SPATA17: variants seen among roughly 807,000 people sequenced by gnomAD.
The protein encoded by SPATA17 is spermatogenesis-associated protein 17.
A neutral mutation model predicts 62.2 loss-of-function variants in SPATA17; 53 were observed. That is an observed-to-expected ratio of 0.85 (90% CI 0.68 to 1.07). SPATA17 has a LOEUF of 1.07. SPATA17 is among the 50% of genes least tolerant of loss of function. The pLI, the probability that SPATA17 is intolerant of heterozygous loss-of-function variation, is 0.00. For missense variants in SPATA17, 466 were observed against 425.5 expected (o/e 1.10, Z -0.84); for synonymous variants, 146 against 146.8 (o/e 0.99, Z 0.04).
intron 5 of SPATA17, among the ~76,000 whole-genome samples, chr1:217,714,506 A>G (rs1025941834): frequency 1.2e-5 from 1 of 84,276 alleles, no homozygotes; most frequent in African/African-American, 5.8e-5. Context: ...TTTTTTTGAG[A>G]CAGAGTCTTG....
At position 217,786,754 on chromosome 1, in the gene SPATA17, T is replaced by TTCTTCTTCC. The variant is rs1553252158; in HGVS notation, c.872+4440_872+4441insCTCTTCTTC. On this transcript the variant is annotated intron_variant, in intron 8 of 10. Transcript: ENST00000366933. ...ATAGAAGGATTTGATATTCTCTTTC[T>TTCTTCTTCC]TCTTCTTCTTCTTCTTCTTCTTCTT... is the stretch of plus-strand genomic sequence containing the variant. Among the ~76,000 whole-genome samples the TTCTTCTTCC allele has an allele frequency of 4.1e-3, 313 of 76,204 alleles. 6 individuals are homozygous for TTCTTCTTCC. Among genetic ancestry groups the TTCTTCTTCC allele is most frequent in the East Asian group, 0.012 (21 of 1,742 alleles). The allele number at this position is 76,204 out of a possible 152,430, so 50.0% of individuals were successfully genotyped here.
chr1:217,813,197 T>C (rs1674635475), intron 9 of SPATA17, among the ~76,000 whole-genome samples: 1 of 152,232 alleles, frequency 6.6e-6, no homozygotes, highest in Admixed American at 6.5e-5. Flanking sequence ...GGCACATCGT[T>C]GTCTGCAGAA....
intron 9 of SPATA17, among the ~76,000 whole-genome samples, chr1:217,851,365 T>C (rs1383684136): frequency 6.6e-6 from 1 of 152,090 alleles, no homozygotes; most frequent in East Asian, 1.9e-4. Flanking sequence ...CAGGTTCACA[T>C]GTTCCCAGAT....
intron 3 of SPATA17, among the ~76,000 whole-genome samples, chr1:217,663,546 A>G (rs924595532): frequency 6.6e-6 from 1 of 152,234 alleles, no homozygotes; most frequent in African/African-American, 2.4e-5. Flanking sequence ...ACTTGATTAG[A>G]AATTAATTTA....
intron 4 of SPATA17, among the ~76,000 whole-genome samples, chr1:217,682,187 T>C (rs1671100245): frequency 6.6e-6 from 1 of 152,106 alleles, no homozygotes; most frequent in African/African-American, 2.4e-5. Flanking sequence ...ATTAATATCA[T>C]ATATTATTTT....
At chr1:217,761,509 A>G (rs1419693309) in intron 6 of SPATA17, among the ~76,000 whole-genome samples, 2 of 152,164 alleles carry the variant, frequency 1.3e-5, no homozygotes, top group Non-Finnish European at 2.9e-5. Context: ...AACATTTATC[A>G]GAATTACCTA....
intron 4 of SPATA17, among the ~76,000 whole-genome samples, chr1:217,681,704 A>AT (rs1316078726): frequency 6.6e-6 from 1 of 152,138 alleles, no homozygotes. Flanking sequence ...GCCATGTTTA[A>AT]TATCTTAAAT....
chr1:217,651,033 A>T (rs1361034353), intron 2 of SPATA17, 64 bp from the exon 3 acceptor site: 1 of 1,257,310 alleles, frequency 8.0e-7, no homozygotes, highest in African/African-American at 1.5e-5. Context: ...GAGTATTTTA[A>T]CAAAGATTTA....
intron 3 of SPATA17, among the ~76,000 whole-genome samples, chr1:217,654,611 T>A (rs1195642157): frequency 6.6e-6 from 1 of 152,228 alleles, no homozygotes; most frequent in Admixed American, 6.5e-5. Flanking sequence ...TCCTCTTCTC[T>A]GTATACATTT....
intron 1 of SPATA17, among the ~76,000 whole-genome samples, chr1:217,641,431 A>G (rs1428377674): frequency 2.0e-5 from 3 of 152,110 alleles, no homozygotes; most frequent in African/African-American, 7.2e-5. Context: ...ATCAACAGAC[A>G]CAGATCCAGA....
chr1:217,637,781 A>G (rs978470993), intron 1 of SPATA17, among the ~76,000 whole-genome samples: 1 of 152,178 alleles, frequency 6.6e-6, no homozygotes, highest in African/African-American at 2.4e-5. Flanking sequence ...GGTGTACTCA[A>G]TTCTGACCAA....
chr1:217,655,953 T>C (rs567561531), intron 3 of SPATA17, among the ~76,000 whole-genome samples: 5 of 152,266 alleles, frequency 3.3e-5, no homozygotes, highest in Admixed American at 6.5e-5. Context: ...AGTATACTTA[T>C]GCATATAAGA....
At chr1:217,751,061 C>T (rs113706976) in intron 6 of SPATA17, among the ~76,000 whole-genome samples, 32 of 152,204 alleles carry the variant, frequency 2.1e-4, no homozygotes, top group South Asian at 8.3e-4. Context: ...AAAGGATATG[C>T]GCTGGTTTTT....
rs79327256 is a variant in SPATA17, at chr1:217,755,666, A to G, written c.519+13568A>G. ...AATTCATGTAAACATATGTATGCAT[A>G]TAATTTCTGTTTTAACATCCCACTA... On this transcript the variant is annotated intron_variant, in intron 6 of 10. Transcript: ENST00000366933. 3.3e-3 allele frequency among the ~76,000 whole-genome samples: 505 copies of G among 152,070 alleles called. 15 individuals carry two copies. The East Asian group carries it at 0.06, about 18-fold the overall frequency.
chr1:217,716,570 G>A (rs1672008375), intron 5 of SPATA17, among the ~76,000 whole-genome samples: 1 of 152,164 alleles, frequency 6.6e-6, no homozygotes, highest in African/African-American at 2.4e-5. Flanking sequence ...CATGTACAGG[G>A]TAGGCAAATA....
chr1:217,792,485 G>A (rs1674019304), intron 8 of SPATA17, among the ~76,000 whole-genome samples: 1 of 152,116 alleles, frequency 6.6e-6, no homozygotes, highest in South Asian at 2.1e-4. Flanking sequence ...CTTAACTGAT[G>A]ACTTGTAAAT....
chr1:217,845,390 C>G (rs1675500576), intron 9 of SPATA17, among the ~76,000 whole-genome samples: 1 of 152,044 alleles, frequency 6.6e-6, no homozygotes, highest in Non-Finnish European at 1.5e-5. Context: ...AGGTGGAAGG[C>G]AGCCCAACTC....
chr1:217,633,197 CAAAT>C (rs139113077), intron 1 of SPATA17, among the ~76,000 whole-genome samples: 120,300 of 145,680 alleles, frequency 0.83, 50,197 homozygotes, highest in East Asian at 0.97. Context: ...GACTCTGTCT[CAAAT>C]AAATAAATAA....
chr1:217,824,942 C>T (rs1031946587), intron 9 of SPATA17, among the ~76,000 whole-genome samples: 5 of 150,818 alleles, frequency 3.3e-5, no homozygotes, highest in Non-Finnish European at 7.4e-5. Context: ...AATTTTCTTT[C>T]ATATGCATAT....
Sources: allele counts gnomAD v4.1 joint callset (sites outside exome capture counted in the v4.1 genomes callset), GRCh38; gene constraint gnomAD v4.1.1; transcripts MANE v1.5; gene names NCBI Gene and HGNC (gene_info 2026-07-23, HGNC 2026-07-21).